CWC27: variants seen among roughly 807,000 people sequenced by gnomAD.
CWC27 encodes spliceosome-associated protein CWC27 homolog.
A neutral mutation model predicts 63.6 loss-of-function variants in CWC27; 47 were observed. The ratio of observed to expected loss-of-function variants is 0.74; its 90% CI spans 0.58 to 0.94. CWC27 has a LOEUF of 0.94. Among genes scored for constraint, CWC27 ranks in the 40% least tolerant of loss-of-function variants. CWC27 has a pLI of 0.00. For missense variants in CWC27, 495 were observed against 554.3 expected, an observed-to-expected ratio of 0.89 and a Z score of 1.07; for synonymous variants, 175 against 179.8, an observed-to-expected ratio of 0.97 and a Z score of 0.22.
chr5:64,902,246 A>G (rs761288158), intron 11 of CWC27, among the ~76,000 whole-genome samples: 1 of 152,114 alleles, frequency 6.6e-6, no homozygotes, highest in Non-Finnish European at 1.5e-5. Context: ...GCATAACTAC[A>G]AATGCATGAG....
chr5:64,942,570 A>G (rs899176187), intron 11 of CWC27, among the ~76,000 whole-genome samples: 1 of 152,178 alleles, frequency 6.6e-6, no homozygotes, highest in Non-Finnish European at 1.5e-5. Context: ...CCCCCTCTGC[A>G]TATAAATCCA....
At chr5:64,967,490 C>A (rs148507614) in intron 11 of CWC27, among the ~76,000 whole-genome samples, 18 of 151,946 alleles carry the variant, frequency 1.2e-4, no homozygotes, top group Non-Finnish European at 1.5e-4. Flanking sequence ...AAAAAGAAGA[C>A]AAAGTTAGAG....
chr5:64,948,765 T>C (rs1415533921), intron 11 of CWC27, among the ~76,000 whole-genome samples: 2 of 152,036 alleles, frequency 1.3e-5, no homozygotes, highest in Non-Finnish European at 2.9e-5. Flanking sequence ...AACTGTAAGA[T>C]TCAGAGACAT....
chr5:64,794,540 C>T (rs143620289), intron 7 of CWC27, among the ~76,000 whole-genome samples: 3 of 151,974 alleles, frequency 2.0e-5, no homozygotes, highest in East Asian at 1.9e-4. Context: ...CAGTTGTGAA[C>T]GTACTTAAGG....
intron 13 of CWC27, among the ~76,000 whole-genome samples, chr5:65,013,885 G>C (rs1408248737): frequency 6.6e-6 from 1 of 152,086 alleles, no homozygotes; most frequent in Non-Finnish European, 1.5e-5. Context: ...GAAATGAATT[G>C]CTAATGTTGG....
At chr5:64,827,688 A>G (rs1418944362) in intron 10 of CWC27, among the ~76,000 whole-genome samples, 1 of 152,172 alleles carries the variant, frequency 6.6e-6, no homozygotes, top group African/African-American at 2.4e-5. Flanking sequence ...TATTTAAATT[A>G]TATTATATCA....
intron 11 of CWC27, among the ~76,000 whole-genome samples, chr5:64,935,564 T>C (rs532580801): frequency 3.4e-4 from 52 of 152,304 alleles, no homozygotes; most frequent in African/African-American, 1.2e-3. Context: ...TCTTTTTGCT[T>C]AGGATTGTCT....
At chr5:64,948,066 T>A (rs965773782) in intron 11 of CWC27, among the ~76,000 whole-genome samples, 1 of 152,080 alleles carries the variant, frequency 6.6e-6, no homozygotes. Context: ...ATCTTTATCC[T>A]GCTGCCCTGG....
At chr5:64,792,326 T>C (rs2112186590) in intron 7 of CWC27, among the ~76,000 whole-genome samples, 1 of 152,264 alleles carries the variant, frequency 6.6e-6, no homozygotes, top group Non-Finnish European at 1.5e-5. Flanking sequence ...GAGGAATTCA[T>C]ACCAAGGAAA....
chr5:65,008,512 T>A (rs1463500639), intron 13 of CWC27, among the ~76,000 whole-genome samples: 1 of 152,196 alleles, frequency 6.6e-6, no homozygotes, highest in African/African-American at 2.4e-5. Context: ...TCCGACCCAC[T>A]ATACTAAAAC....
rs896804351 is a variant in CWC27, at chr5:64,785,644, T to C, written c.495+65T>C. 3.2e-5 allele frequency: 33 copies of C among 1,033,444 alleles called. No homozygotes were observed. In the African/African-American group the frequency reaches 5.3e-4, roughly 17 times the overall value. The allele number at this position is 1,033,444 out of a possible 1,614,324, so 64.0% of individuals were successfully genotyped here. A position where few individuals can be genotyped will look rare whatever the true frequency, so the allele number is the denominator to read the frequency against. ...TCGTTTAAGAGGAATTGATTCTTAG[T>C]ATTTTTAAACTATTGGATTAAGGCT... On this transcript the variant is annotated intron_variant, in intron 5 of 13. Coordinates refer to ENST00000381070, the MANE Select transcript of CWC27 (RefSeq NM_005869.4).
chr5:64,813,206 T>C (rs1027660062), intron 10 of CWC27, among the ~76,000 whole-genome samples: 14 of 152,172 alleles, frequency 9.2e-5, no homozygotes, highest in African/African-American at 3.4e-4. Context: ...AACCATACTA[T>C]ATTTAGCATT....
chr5:64,999,648 T>G (rs139165107), intron 13 of CWC27, among the ~76,000 whole-genome samples: 1 of 152,252 alleles, frequency 6.6e-6, no homozygotes, highest in East Asian at 1.9e-4. Flanking sequence ...CTATCTGTGT[T>G]GCTAAAAATG....
At chr5:64,788,319 G>GA (rs5868388) in intron 6 of CWC27, among the ~76,000 whole-genome samples, 2,144 of 145,138 alleles carry the variant, frequency 0.015, 50 homozygotes, top group African/African-American at 0.051. Context: ...TAGGCTTTGG[G>GA]AAAAAAAAAA....
At chr5:64,790,111 C>T (rs1215801238) in intron 7 of CWC27, among the ~76,000 whole-genome samples, 1 of 151,902 alleles carries the variant, frequency 6.6e-6, no homozygotes, top group Non-Finnish European at 1.5e-5. Flanking sequence ...CTTTTTGTTG[C>T]TTTTTATTGT....
chr5:64,939,791 CCTTT>C (rs978302083), intron 11 of CWC27, among the ~76,000 whole-genome samples: 1 of 151,946 alleles, frequency 6.6e-6, no homozygotes, highest in African/African-American at 2.4e-5. Flanking sequence ...GGGACCGCTG[CCTTT>C]CTTTCAGAGA....
intron 13 of CWC27, among the ~76,000 whole-genome samples, chr5:65,004,003 C>T (rs776148971): frequency 6.6e-6 from 1 of 152,134 alleles, no homozygotes; most frequent in Non-Finnish European, 1.5e-5. Flanking sequence ...CACCACCACA[C>T]TCAGCTAATT....
At chr5:64,826,970 G>A (rs984869531) in intron 10 of CWC27, among the ~76,000 whole-genome samples, 31 of 151,994 alleles carry the variant, frequency 2.0e-4, no homozygotes, top group African/African-American at 7.0e-4. Flanking sequence ...TTCTTCTCTG[G>A]AACAATTTTT....
intron 10 of CWC27, among the ~76,000 whole-genome samples, chr5:64,885,002 A>G (rs1331884635): frequency 1.3e-5 from 2 of 152,178 alleles, no homozygotes; most frequent in Non-Finnish European, 2.9e-5. Context: ...ACCGTGTAAT[A>G]ATTACTTAAT....
Sources: allele counts gnomAD v4.1 joint callset (sites outside exome capture counted in the v4.1 genomes callset), GRCh38; gene constraint gnomAD v4.1.1; transcripts MANE v1.5; gene names NCBI Gene and HGNC (gene_info 2026-07-23, HGNC 2026-07-21).